AGMO: variants seen among roughly 807,000 people sequenced by gnomAD.
The protein encoded by AGMO is alkylglycerol monooxygenase.
Under a neutral mutation model 60.2 loss-of-function variants are expected in AGMO, and 75 were observed. The ratio of observed to expected loss-of-function variants is 1.25; its 90% CI spans 1.03 to 1.51. The LOEUF is 1.51. AGMO is among the 40% of genes most tolerant of loss of function. The pLI is 0.00. For synonymous variants in AGMO, 261 were observed against 177.1 expected, an observed-to-expected ratio of 1.47 and a Z score of -3.76; for missense variants, 763 against 525.5, an observed-to-expected ratio of 1.45 and a Z score of -4.42.
At chr7:15,406,187 C>A (rs954940904) in intron 5 of AGMO, among the ~76,000 whole-genome samples, 9 of 150,816 alleles carry the variant, frequency 6.0e-5, no homozygotes, top group Non-Finnish European at 1.3e-4. Flanking sequence ...ACAAGGGTGC[C>A]AGTTCAGGTC....
chr7:15,177,135 T>G, the AGMO span, among the ~76,000 whole-genome samples: 1 of 152,064 alleles, frequency 6.6e-6, no homozygotes, highest in Non-Finnish European at 1.5e-5. Context: ...TTTTTTTGGA[T>G]CTGAGAATAC....
At chr7:15,241,073 G>A (rs1782573410) in intron 12 of AGMO, among the ~76,000 whole-genome samples, 1 of 152,066 alleles carries the variant, frequency 6.6e-6, no homozygotes, top group South Asian at 2.1e-4. Flanking sequence ...ATCAATATCA[G>A]GGAAAGTCAG....
At chr7:15,323,961 C>A (rs960509855) in intron 12 of AGMO, among the ~76,000 whole-genome samples, 3 of 152,176 alleles carry the variant, frequency 2.0e-5, no homozygotes, top group Non-Finnish European at 2.9e-5. Context: ...AAGCTTGCCG[C>A]AGACATTTCT....
At chr7:15,219,355 A>G (rs1781845733) in intron 12 of AGMO, among the ~76,000 whole-genome samples, 1 of 152,288 alleles carries the variant, frequency 6.6e-6, no homozygotes, top group East Asian at 1.9e-4. Flanking sequence ...TTAAGTATTT[A>G]TGAATGGATG....
chr7:15,366,626 T>C (rs1255447974), intron 10 of AGMO, among the ~76,000 whole-genome samples: 2 of 152,078 alleles, frequency 1.3e-5, no homozygotes, highest in Admixed American at 1.3e-4. Flanking sequence ...CAAAGCTTTC[T>C]CTAATATAGA....
rs183595573 is a variant in AGMO, at chr7:15,364,582, T to C, written c.1263+932A>G. ...ACAAATAATGCTGCAAGGAATAATA[T>C]TGCATATACACCGATTCGCGTGTGT... On this transcript the variant is annotated intron_variant, in intron 12 of 12. Transcript: ENST00000342526. Among the ~76,000 whole-genome samples, 37 of 152,180 alleles carry C rather than the reference T, an allele frequency of 2.4e-4. 1 individual carries two copies. The highest frequency in any genetic ancestry group is 6.7e-4 in the African/African-American group (28 of 41,564).
intron 12 of AGMO, among the ~76,000 whole-genome samples, chr7:15,363,894 A>C (rs1348834412): frequency 2.6e-5 from 4 of 151,992 alleles, no homozygotes; most frequent in Admixed American, 6.6e-5. Context: ...TGTGCCCCTC[A>C]TCTAAGGTGT....
intron 2 of AGMO, among the ~76,000 whole-genome samples, chr7:15,550,415 G>T (rs1414232910): frequency 6.6e-6 from 1 of 151,946 alleles, no homozygotes; most frequent in Non-Finnish European, 1.5e-5. Context: ...TTGATAGACC[G>T]CTAGCAAGAC....
rs183414470 is a variant in AGMO, at chr7:15,411,978, C to G, written c.609+6580G>C. On this transcript the variant is annotated intron_variant, in intron 5 of 12. Transcript: ENST00000342526. ...GCTAAAGGGCAATAACCAAAACACT[C>G]TATTATCTGTGTCCTCAGAAGTCAG... 2.7e-3 allele frequency among the ~76,000 whole-genome samples: 415 copies of G among 152,212 alleles called. 1 individual carries two copies. Among genetic ancestry groups the G allele is most frequent in the Non-Finnish European group, 3.2e-3 (219 of 67,996 alleles).
intron 12 of AGMO, among the ~76,000 whole-genome samples, chr7:15,237,660 A>G (rs1782465807): frequency 6.6e-6 from 1 of 152,050 alleles, no homozygotes; most frequent in Admixed American, 6.5e-5. Flanking sequence ...TGTGGGTTTA[A>G]AATACCTATA....
chr7:15,417,039 T>C (rs749007936), intron 5 of AGMO, among the ~76,000 whole-genome samples: 2 of 152,208 alleles, frequency 1.3e-5, no homozygotes, highest in Non-Finnish European at 2.9e-5. Context: ...TAAACGAATG[T>C]AACTACACGG....
At chr7:15,186,503 T>C in the AGMO span, among the ~76,000 whole-genome samples, 2 of 152,090 alleles carry the variant, frequency 1.3e-5, no homozygotes, top group African/African-American at 2.4e-5. Flanking sequence ...CATGAACAAA[T>C]GGCTGCAAAG....
At chr7:15,342,028 T>C (rs1456743328) in intron 12 of AGMO, among the ~76,000 whole-genome samples, 1 of 151,928 alleles carries the variant, frequency 6.6e-6, no homozygotes, top group Non-Finnish European at 1.5e-5. Flanking sequence ...AAAGCATATC[T>C]GTATCTCGCC....
At chr7:15,364,611 T>G (rs1782899310) in intron 12 of AGMO, among the ~76,000 whole-genome samples, 1 of 152,014 alleles carries the variant, frequency 6.6e-6, no homozygotes, top group Admixed American at 6.6e-5. Flanking sequence ...CGTGTGTGAG[T>G]ATATCATTTC....
chr7:15,301,722 G>C, intron 12 of AGMO, among the ~76,000 whole-genome samples: 1 of 152,058 alleles, frequency 6.6e-6, no homozygotes, highest in African/African-American at 2.4e-5. Flanking sequence ...AAGAAAAAAT[G>C]ACTATAATAA....
At chr7:15,435,011 A>G (rs1338787667) in intron 3 of AGMO, among the ~76,000 whole-genome samples, 2 of 151,978 alleles carry the variant, frequency 1.3e-5, no homozygotes, top group Non-Finnish European at 2.9e-5. Context: ...TAATGCATTG[A>G]AGATCCCTTC....
intron 10 of AGMO, among the ~76,000 whole-genome samples, chr7:15,381,403 G>A (rs1783679062): frequency 2.0e-5 from 3 of 150,052 alleles, no homozygotes; most frequent in Admixed American, 6.6e-5. Context: ...ATACATGCAG[G>A]CCACAATCAT....
intron 2 of AGMO, among the ~76,000 whole-genome samples, chr7:15,549,763 C>T (rs1254967525): frequency 1.3e-5 from 2 of 151,416 alleles, no homozygotes; most frequent in Admixed American, 1.3e-4. Flanking sequence ...ATCAACGAGA[C>T]AGAAAGTCAA....
At chr7:15,214,165 C>T (rs374966052) in intron 12 of AGMO, among the ~76,000 whole-genome samples, 1 of 151,854 alleles carries the variant, frequency 6.6e-6, no homozygotes, top group South Asian at 2.1e-4. Context: ...TATGAAAAAT[C>T]TGTAAAAACA....
Sources: gnomAD v4.1 joint callset for allele counts (sites outside exome capture counted in the v4.1 genomes callset) on GRCh38, gnomAD v4.1.1 for gene constraint, MANE v1.5 for transcripts, NCBI Gene and HGNC (gene_info 2026-07-23, HGNC 2026-07-21) for gene names.